The following AGPS variants were observed in gnomAD, a reference collection of about 807,000 sequenced individuals.
AGPS encodes the protein alkylglycerone phosphate synthase, also known as alkyldihydroxyacetonephosphate synthase, peroxisomal.
Under a neutral mutation model 90.7 loss-of-function variants are expected in AGPS, and 26 were observed. That is an observed-to-expected ratio of 0.29 (90% CI 0.21 to 0.40). The LOEUF is 0.40. AGPS is among the 10% of genes least tolerant of loss of function. The pLI, the probability that AGPS is intolerant of heterozygous loss-of-function variation, is 1.00. For synonymous variants in AGPS, 294 were observed against 285.3 expected (o/e 1.03, Z -0.31); for missense variants, 540 against 816.1 (o/e 0.66, Z 4.12).
At chr2:177,460,787 A>G (rs1363636288) in intron 8 of AGPS, among the ~76,000 whole-genome samples, 1 of 152,178 alleles carries the variant, frequency 6.6e-6, no homozygotes, top group Non-Finnish European at 1.5e-5. Flanking sequence ...TAATAGATGG[A>G]TATTAATCTC....
intron 1 of AGPS, among the ~76,000 whole-genome samples, chr2:177,409,610 G>C (rs1685562718): frequency 6.6e-6 from 1 of 152,052 alleles, no homozygotes; most frequent in African/African-American, 2.4e-5. Context: ...AGTGCTGTTG[G>C]GGAGGTTGGC....
intron 8 of AGPS, among the ~76,000 whole-genome samples, chr2:177,461,155 C>T (rs1011609626): frequency 6.6e-6 from 1 of 152,102 alleles, no homozygotes; most frequent in Non-Finnish European, 1.5e-5. Flanking sequence ...GTGTCTGTAC[C>T]GTTTGAGAAG....
intron 11 of AGPS, among the ~76,000 whole-genome samples, chr2:177,491,952 A>C (rs1688277432): frequency 6.6e-6 from 1 of 151,418 alleles, no homozygotes; most frequent in Non-Finnish European, 1.5e-5. Context: ...CGCCCAGTTA[A>C]TTTTTGTGTT....
rs192521007 is a variant in AGPS at position 177,436,312 on chromosome 2, C to G, written c.442-452C>G. On this transcript the variant is annotated intron_variant, in intron 3 of 19. Transcript: ENST00000264167. ...GACTACAGGCGCCCGCCACCACGCC[C>G]GGCTAATTTTTGTATTTTTAGTAGA... Among the ~76,000 whole-genome samples, 5 of 151,536 alleles carry G rather than the reference C, an allele frequency of 3.3e-5. 1 individual carries two copies. Among genetic ancestry groups the G allele is most frequent in the Admixed American group, 3.3e-4 (5 of 15,200 alleles).
At position 177,440,966 on chromosome 2, in the gene AGPS, A is replaced by T; in HGVS notation, c.639A>T (p.Thr213=). The change falls in exon 6 of 20, where the codon ACA becomes ACT. Residue 213 remains threonine, a splice_region_variant and synonymous_variant. Coordinates refer to ENST00000264167, the MANE Select transcript of AGPS (RefSeq NM_003659.4). ...ATTTATTTTCCCTTTTTTCAACAGC[A>T]TGCCATGATGATGTAGTTAAGATTG... The part of the protein sequence containing the change: ...ERIPDIVLWP[T]CHDDVVKIVN... The T allele has an allele frequency of 1.9e-6, 3 of 1,612,260 alleles. No individual in the cohort carries two copies. Among genetic ancestry groups the T allele is most frequent in the Non-Finnish European group, 1.7e-6 (2 of 1,178,770 alleles).
At chr2:177,493,231 TTTA>T in intron 12 of AGPS, 32 bp downstream of exon 12, 1 of 1,570,486 alleles carries the variant, frequency 6.4e-7, no homozygotes, top group Non-Finnish European at 8.8e-7. Flanking sequence ...TAAAATGTCA[TTTA>T]GCCACAGAAA....
Position 177,445,563 on chromosome 2 carries a change from T to C in AGPS, c.807T>C (p.Val269=), listed in dbSNP as rs751787044. ...TGCAACAGAATCGAATTCTCTGGGTTGATGAGAACAATTTGACAGCTCATG... is the reference window on the plus strand; with the variant it reads ...TGCAACAGAATCGAATTCTCTGGGTCGATGAGAACAATTTGACAGCTCATG... The part of the protein sequence containing the change: ...DTSQMNRILW[V]DENNLTAHVE... Residue 269 remains valine (V), a synonymous_variant, in exon 8 of 20, where the codon GTT becomes GTC. Transcript: ENST00000264167. 2 of 1,613,900 alleles carry C rather than the reference T, an allele frequency of 1.2e-6. No homozygotes were observed. Among genetic ancestry groups the C allele is most frequent in the South Asian group, 1.1e-5 (1 of 91,082 alleles).
chr2:177,527,958 A>G lies in AGPS; in HGVS notation c.1855+4153A>G, dbSNP rs545889540. Among the ~76,000 whole-genome samples, 13 of 152,352 alleles carry G rather than the reference A, an allele frequency of 8.5e-5. 1 individual carries two copies. The South Asian group carries it at 2.7e-3, about 32-fold the overall frequency. On this transcript the variant is annotated intron_variant, in intron 19 of 19. Transcript: ENST00000264167. ...CTGGTTTTCTCTAGTGCTTAGAAAA[A>G]GAAACTTTGATAAGTCTGAATACAA...
chr2:177,503,602 T>C (rs922222010), intron 14 of AGPS, among the ~76,000 whole-genome samples: 2 of 152,198 alleles, frequency 1.3e-5, no homozygotes, highest in African/African-American at 4.8e-5. Context: ...TGAATCTACA[T>C]GCAGTCATTT....
At chr2:177,472,947 A>C (rs568216171) in intron 10 of AGPS, among the ~76,000 whole-genome samples, 1 of 152,222 alleles carries the variant, frequency 6.6e-6, no homozygotes, top group South Asian at 2.1e-4. Flanking sequence ...TGGACTACCA[A>C]GTCCTGTATA....
intron 9 of AGPS, 143 bp downstream of exon 9, chr2:177,462,161 C>T (rs760794339): frequency 2.8e-4 from 163 of 584,254 alleles, no homozygotes; most frequent in Non-Finnish European, 3.7e-4. Context: ...GAGGCCGAGG[C>T]GGGCGGATCA....
intron 1 of AGPS, among the ~76,000 whole-genome samples, chr2:177,411,019 T>G (rs1332304006): frequency 6.6e-6 from 1 of 152,140 alleles, no homozygotes; most frequent in Middle Eastern, 3.2e-3. Flanking sequence ...TGCCCAGCCT[T>G]TCGGTGTTCC....
At chr2:177,461,787 C>G in intron 8 of AGPS, 106 bp from the exon 9 acceptor site, 1 of 633,790 alleles carries the variant, frequency 1.6e-6, no homozygotes, top group Non-Finnish European at 2.4e-6. Context: ...TTAATAAATT[C>G]AAATATCAAT....
intron 1 of AGPS, among the ~76,000 whole-genome samples, chr2:177,418,666 A>C (rs1379652251): frequency 3.9e-5 from 6 of 151,994 alleles, no homozygotes; most frequent in African/African-American, 1.4e-4. Flanking sequence ...TTGAAATATA[A>C]GAAAATACTA....
In AGPS at chr2:177,423,881, A is replaced by T. The variant is rs563794596; in HGVS notation, c.350+3523A>T. Among the ~76,000 whole-genome samples, 285 of 152,212 alleles carry T rather than the reference A, an allele frequency of 1.9e-3. 2 individuals carry two copies. Among genetic ancestry groups the T allele is most frequent in the African/African-American group, 6.6e-3 (273 of 41,530 alleles). ...TCTTATTCCTTCTAAGTATGAGTGA[A>T]TTTAGTCCTCCTGGGTTTAAGCAGC... is the stretch of plus-strand genomic sequence containing the variant. On this transcript the variant is annotated intron_variant, in intron 2 of 19. Transcript: ENST00000264167.
chr2:177,397,738 T>C (rs1248274442), intron 1 of AGPS, among the ~76,000 whole-genome samples: 1 of 152,150 alleles, frequency 6.6e-6, no homozygotes, highest in Non-Finnish European at 1.5e-5. Context: ...TAAAAAGCAG[T>C]ATATTAACGT....
chr2:177,427,545 G>A (rs1686119633), intron 2 of AGPS, among the ~76,000 whole-genome samples: 1 of 152,082 alleles, frequency 6.6e-6, no homozygotes, highest in Admixed American at 6.5e-5. Flanking sequence ...CTGGTACTTT[G>A]TTTCTTTGTT....
intron 1 of AGPS, among the ~76,000 whole-genome samples, chr2:177,415,662 C>T (rs1285293878): frequency 1.3e-5 from 2 of 152,162 alleles, no homozygotes; most frequent in Non-Finnish European, 2.9e-5. Context: ...ACAGATTATA[C>T]CTTGTTGACC....
At chr2:177,404,144 A>G (rs548602513) in intron 1 of AGPS, among the ~76,000 whole-genome samples, 1 of 152,292 alleles carries the variant, frequency 6.6e-6, no homozygotes, top group South Asian at 2.1e-4. Context: ...TGTATCTTCT[A>G]ATTTAGGGAA....
Sources: gnomAD v4.1 joint callset for allele counts (sites outside exome capture counted in the v4.1 genomes callset) on GRCh38, gnomAD v4.1.1 for gene constraint, MANE v1.5 for transcripts, NCBI Gene and HGNC (gene_info 2026-07-23, HGNC 2026-07-21) for gene names.